The following CNTNAP5 variants were observed in gnomAD, a reference collection of about 807,000 sequenced individuals.
The protein encoded by CNTNAP5 is contactin-associated protein-like 5.
Under a neutral mutation model 150.2 loss-of-function variants are expected in CNTNAP5, and 72 were observed. That is an observed-to-expected ratio of 0.48 (90% CI 0.40 to 0.58). The LOEUF (loss-of-function observed/expected upper bound fraction) is 0.58, where lower values mean the gene tolerates loss of function less well. CNTNAP5 is among the 20% of genes least tolerant of loss of function. CNTNAP5 has a pLI of 0.00. For missense variants in CNTNAP5, 1,636 were observed against 1,626.2 expected, an observed-to-expected ratio of 1.01 and a Z score of -0.10; for synonymous variants, 672 against 619.8, an observed-to-expected ratio of 1.08 and a Z score of -1.25.
intron 19 of CNTNAP5, among the ~76,000 whole-genome samples, chr2:124,812,166 T>G (rs930450883): frequency 1.7e-5 from 2 of 119,228 alleles, no homozygotes; most frequent in African/African-American, 6.3e-5. Context: ...AAATAATATA[T>G]GTATTTATAA....
At position 124,914,066 on chromosome 2, in the gene CNTNAP5, T is replaced by C. The variant is rs199969005; in HGVS notation, c.3728-26T>C. Reference sequence around the variant, plus strand: ...CAGATGACTCATGACGATTTCCTTCTCTCTTTCCTTCCCCTTTCTCTCCAG... The same window carrying C: ...CAGATGACTCATGACGATTTCCTTCCCTCTTTCCTTCCCCTTTCTCTCCAG... On this transcript the variant is annotated intron_variant, in intron 23 of 23. Transcript: ENST00000682447. 1.3e-5 allele frequency: 20 copies of C among 1,570,782 alleles called. No homozygotes were observed. The East Asian group carries it at 4.1e-4, about 32-fold the overall frequency.
chr2:124,474,038 G>T (rs1693581668), intron 6 of CNTNAP5, among the ~76,000 whole-genome samples: 1 of 151,972 alleles, frequency 6.6e-6, no homozygotes, highest in African/African-American at 2.4e-5. Flanking sequence ...TAACAATTCA[G>T]TGTATTTCCT....
intron 6 of CNTNAP5, among the ~76,000 whole-genome samples, chr2:124,472,165 G>A (rs992216040): frequency 1.3e-5 from 2 of 152,002 alleles, no homozygotes; most frequent in South Asian, 4.2e-4. Context: ...CAATAAGAGA[G>A]AATTTGTTAA....
At chr2:124,642,299 G>C (rs1049834555) in intron 12 of CNTNAP5, among the ~76,000 whole-genome samples, 1 of 152,190 alleles carries the variant, frequency 6.6e-6, no homozygotes, top group Non-Finnish European at 1.5e-5. Flanking sequence ...GAGTGTGCGT[G>C]TGTGTGTATG....
intron 13 of CNTNAP5, among the ~76,000 whole-genome samples, chr2:124,674,396 TTTCC>T (rs540771958): frequency 6.1e-5 from 8 of 131,632 alleles, no homozygotes; most frequent in Non-Finnish European, 8.2e-5. Flanking sequence ...TTGTTCTTTC[TTTCC>T]TTCCTTCCTT....
chr2:124,137,258 T>A (rs1210834234), intron 1 of CNTNAP5, among the ~76,000 whole-genome samples: 1 of 151,860 alleles, frequency 6.6e-6, no homozygotes, highest in Non-Finnish European at 1.5e-5. Flanking sequence ...GAAAAAAAAA[T>A]AAAGCTGCCT....
intron 19 of CNTNAP5, among the ~76,000 whole-genome samples, chr2:124,815,195 T>A (rs1213891960): frequency 6.6e-6 from 1 of 152,220 alleles, no homozygotes. Flanking sequence ...AATGAAAGAC[T>A]AAATCCATGC....
intron 1 of CNTNAP5, among the ~76,000 whole-genome samples, chr2:124,167,175 A>G (rs2699368): frequency 0.97 from 147,460 of 152,232 alleles, 71,593 homozygotes; most frequent in East Asian, 1. Flanking sequence ...AACTGTTGGT[A>G]TTTCTTCCCA....
chr2:124,700,883 C>T (rs187604216), intron 13 of CNTNAP5, among the ~76,000 whole-genome samples: 161 of 152,006 alleles, frequency 1.1e-3, no homozygotes, highest in African/African-American at 3.5e-3. Flanking sequence ...TTTTTTGCCA[C>T]TATTTTTAAT....
intron 13 of CNTNAP5, among the ~76,000 whole-genome samples, chr2:124,712,373 G>T (rs1352601565): frequency 1.3e-5 from 2 of 152,170 alleles, no homozygotes; most frequent in Admixed American, 1.3e-4. Flanking sequence ...CAATGAAAAT[G>T]AAAGGTTAGA....
At chr2:124,458,406 A>G (rs1693171749) in intron 6 of CNTNAP5, among the ~76,000 whole-genome samples, 1 of 151,322 alleles carries the variant, frequency 6.6e-6, no homozygotes, top group Non-Finnish European at 1.5e-5. Flanking sequence ...TTCTAAGTGA[A>G]GTAACTCAGG....
chr2:124,161,125 C>A (rs1036655487), intron 1 of CNTNAP5, among the ~76,000 whole-genome samples: 1 of 152,144 alleles, frequency 6.6e-6, no homozygotes, highest in African/African-American at 2.4e-5. Flanking sequence ...TTGATAACAT[C>A]TGTGAACTGA....
intron 10 of CNTNAP5, among the ~76,000 whole-genome samples, chr2:124,554,364 G>T (rs1695703242): frequency 6.7e-6 from 1 of 150,324 alleles, no homozygotes; most frequent in Non-Finnish European, 1.5e-5. Context: ...TCTTTCTTAG[G>T]TTTTTTACTA....
chr2:124,776,250 A>G (rs888104138), intron 17 of CNTNAP5, among the ~76,000 whole-genome samples: 3 of 151,644 alleles, frequency 2.0e-5, no homozygotes, highest in Admixed American at 6.6e-5. Flanking sequence ...TTATGACTCT[A>G]TTTCCTTCTA....
At chr2:124,294,729 C>T (rs889683067) in intron 3 of CNTNAP5, among the ~76,000 whole-genome samples, 3 of 152,170 alleles carry the variant, frequency 2.0e-5, no homozygotes, top group South Asian at 2.1e-4. Flanking sequence ...TAACATTTTC[C>T]GGCAACAAAA....
chr2:124,649,603 G>C (rs1043484283), intron 13 of CNTNAP5, among the ~76,000 whole-genome samples: 2 of 152,128 alleles, frequency 1.3e-5, no homozygotes, highest in Non-Finnish European at 2.9e-5. Context: ...CACTGTCCCT[G>C]GCCTTATTTG....
chr2:124,067,293 T>A (rs1385361918), intron 1 of CNTNAP5, among the ~76,000 whole-genome samples: 2 of 152,146 alleles, frequency 1.3e-5, no homozygotes, highest in Non-Finnish European at 2.9e-5. Flanking sequence ...ATCAGTACCA[T>A]GGGTCAGAAT....
At chr2:124,280,608 G>A (rs1687989836) in intron 3 of CNTNAP5, among the ~76,000 whole-genome samples, 1 of 152,054 alleles carries the variant, frequency 6.6e-6, no homozygotes. Context: ...GCAAAACGTT[G>A]AGCATTGGGT....
intron 10 of CNTNAP5, among the ~76,000 whole-genome samples, chr2:124,547,162 A>T (rs1435430797): frequency 2.0e-5 from 3 of 152,126 alleles, no homozygotes; most frequent in Non-Finnish European, 2.9e-5. Flanking sequence ...ATCAGACAGT[A>T]TGCAGATTCC....
Sources: allele counts gnomAD v4.1 joint callset (sites outside exome capture counted in the v4.1 genomes callset), GRCh38; gene constraint gnomAD v4.1.1; transcripts MANE v1.5; gene names NCBI Gene and HGNC (gene_info 2026-07-23, HGNC 2026-07-21).